EP400: variants seen among roughly 807,000 people sequenced by gnomAD.
The protein encoded by EP400 is E1A-binding protein p400.
EP400 carries 105 observed loss-of-function variants against 354.1 expected under a neutral mutation model. The observed-to-expected ratio is 0.30, with a 90% CI of 0.25 to 0.35. EP400 has a LOEUF of 0.35. Among genes scored for constraint, EP400 ranks in the 10% least tolerant of loss-of-function variants. The pLI, the probability that EP400 is intolerant of heterozygous loss-of-function variation, is 1.00. For missense variants in EP400, 3,280 were observed against 4,121.0 expected (o/e 0.80, Z 5.59); for synonymous variants, 1,646 against 1,716.9 (o/e 0.96, Z 1.02).
At chr12:131,982,052 A>G (rs1291231298) in intron 4 of EP400, 41 bp from the exon 5 acceptor site, 2 of 1,498,998 alleles carry the variant, frequency 1.3e-6, no homozygotes, top group African/African-American at 2.8e-5. Context: ...AAGCTGCCAC[A>G]CTTGGGAATC....
chr12:132,077,992 A>G lies in EP400; in HGVS notation c.*319A>G, dbSNP rs1230804998. ...GTACTGTGTTCTGAAAGCCATTTAG[A>G]ATTTCTTTGTGAGCATGTAGTGCTT... On this transcript the variant is annotated 3_prime_UTR_variant, in exon 53 of 53. Transcript: ENST00000389561. 14 of 314,816 alleles carry G rather than the reference A, an allele frequency of 4.4e-5. No homozygotes were observed. The East Asian group carries it at 8.5e-4, about 19-fold the overall frequency. 19.5% of individuals were successfully genotyped at this position (314,816 alleles called of 1,614,324 possible). A position where few individuals can be genotyped will look rare whatever the true frequency, so the allele number is the denominator to read the frequency against.
At chr12:132,065,020 G>C (rs1160678914) in intron 48 of EP400, 134 bp downstream of exon 48, 3 of 1,440,968 alleles carry the variant, frequency 2.1e-6, no homozygotes, top group Non-Finnish European at 2.7e-6. Flanking sequence ...CGAGAACTTA[G>C]TACCCCTTGG....
chr12:131,955,763 G>T (rs1417167812), intron 1 of EP400, among the ~76,000 whole-genome samples: 1 of 152,026 alleles, frequency 6.6e-6, no homozygotes, highest in African/African-American at 2.4e-5. Flanking sequence ...TTCTTCCTCA[G>T]CCTCCCGAGT....
At position 132,054,774 on chromosome 12, in the gene EP400, A is replaced by G. The variant is rs1035162365; in HGVS notation, c.7729-200A>G. 1.3e-5 allele frequency among the ~76,000 whole-genome samples: 2 copies of G among 150,708 alleles called. No individual in the cohort carries two copies. Among genetic ancestry groups the G allele is most frequent in the Non-Finnish European group, 3.0e-5 (2 of 67,654 alleles). On this transcript the variant is annotated intron_variant, in intron 43 of 52. Transcript: ENST00000389561. This position sits in a 1 kb window ranked among gnomAD's most constrained non-coding sequence, Gnocchi z 4.0. Reference sequence around the variant, plus strand: ...GGAGGGTCCCTGGGGTGGAGGGACAATGGGATAGGGGTGGAGGGACAGCAG... The same window carrying G: ...GGAGGGTCCCTGGGGTGGAGGGACAGTGGGATAGGGGTGGAGGGACAGCAG...
At position 131,960,795 on chromosome 12, in the gene EP400, A is replaced by G. The variant is rs1338112068; in HGVS notation, c.176A>G (p.Gln59Arg). The G allele has an allele frequency of 6.2e-7, 1 of 1,612,478 alleles. No homozygotes were observed. Among genetic ancestry groups the G allele is most frequent in the African/African-American group, 1.3e-5 (1 of 74,496 alleles). ...SAPQSPSYQIQQLMNRSPATG... is the reference protein window; with the variant it reads ...SAPQSPSYQIRQLMNRSPATG... The stretch of plus-strand genomic sequence containing the variant: ...CCCCAGTCTCCCAGTTATCAAATAC[A>G]GCAGCTGATGAATAGGAGCCCTGCA... The change falls in exon 2 of 53, where the codon CAG becomes CGG. Residue 59 changes from glutamine (Q) to arginine (R), a missense_variant. By Grantham distance (43) the Gln-to-Arg change is conservative. Coordinates refer to ENST00000389561, the MANE Select transcript of EP400 (RefSeq NM_015409.5).
At position 132,054,840 on chromosome 12, in the gene EP400, G is replaced by T; in HGVS notation, c.7729-134G>T. 1.1e-6 allele frequency: 1 copy of T among 894,022 alleles called. No homozygotes were observed. The highest frequency in any genetic ancestry group is 1.8e-6 in the Non-Finnish European group (1 of 546,210). The allele number at this position is 894,022 out of a possible 1,614,324, so 55.4% of individuals were successfully genotyped here. A position where few individuals can be genotyped will look rare whatever the true frequency, so the allele number is the denominator to read the frequency against. ...GGGCACCGCCAGGTGGAATGAGCTG[G>T]GGAGGATGGGACAGGTGGCTGTGTG... On this transcript the variant is annotated intron_variant, in intron 43 of 52. Coordinates refer to ENST00000389561, the MANE Select transcript of EP400 (RefSeq NM_015409.5). This position sits in a 1 kb window ranked among gnomAD's most constrained non-coding sequence, Gnocchi z 4.0.
chr12:132,006,404 C>T (rs916758393), intron 14 of EP400, 102 bp downstream of exon 14: 10 of 1,348,142 alleles, frequency 7.4e-6, no homozygotes, highest in Non-Finnish European at 1.0e-5. Context: ...AATGGTCTAT[C>T]CCAACTGCAG....
chr12:131,975,910 A>G (rs1892457539), intron 2 of EP400, among the ~76,000 whole-genome samples: 1 of 152,108 alleles, frequency 6.6e-6, no homozygotes, highest in South Asian at 2.1e-4. Flanking sequence ...TATATTGCCC[A>G]GGCTGATTTT....
At chr12:132,005,522 G>A (rs1469540700) in intron 13 of EP400, among the ~76,000 whole-genome samples, 1 of 152,098 alleles carries the variant, frequency 6.6e-6, no homozygotes, top group African/African-American at 2.4e-5. Flanking sequence ...TATTTTACTT[G>A]GTATTAGACT....
intron 30 of EP400, 115 bp from the exon 31 acceptor site, chr12:132,037,567 A>G (rs1019382794): frequency 1.3e-6 from 1 of 792,954 alleles, no homozygotes; most frequent in Non-Finnish European, 2.1e-6. Context: ...TGTTCTGAGC[A>G]GGGGTAGCTG....
Position 131,991,337 on chromosome 12 carries a change from C to T in EP400, c.2630-70C>T, listed in dbSNP as rs1025039222. 10 of 1,541,440 alleles carry T rather than the reference C, an allele frequency of 6.5e-6. No homozygotes were observed. In the Admixed American group the frequency reaches 1.7e-4, roughly 26 times the overall value. Reference sequence around the variant, plus strand: ...GTGGGTGGAGGCAGCAGGACCCTGCCTGGAAAGCAGAGACGCCCTCGCCAA... The same window carrying T: ...GTGGGTGGAGGCAGCAGGACCCTGCTTGGAAAGCAGAGACGCCCTCGCCAA... On this transcript the variant is annotated intron_variant, in intron 9 of 52. Transcript: ENST00000389561.
intron 2 of EP400, among the ~76,000 whole-genome samples, chr12:131,971,197 C>G (rs571341516): frequency 3.9e-5 from 6 of 152,082 alleles, no homozygotes; most frequent in Non-Finnish European, 8.8e-5. Flanking sequence ...GAGCAATACC[C>G]TGTCTCTTAA....
Position 132,017,129 on chromosome 12 carries a change from G to A in EP400, c.3924-406G>A, listed in dbSNP as rs1421421629. Among the ~76,000 whole-genome samples, 2 of 152,204 alleles carry A rather than the reference G, an allele frequency of 1.3e-5. No homozygotes were observed. The highest frequency in any genetic ancestry group is 2.4e-5 in the African/African-American group (1 of 41,446). ...TGGACCTGGGTCCTCGTCTACCCCC[G>A]CTCACTGCCTGCAGGGCCAGTGTAG... is the stretch of plus-strand genomic sequence containing the variant. On this transcript the variant is annotated intron_variant, in intron 19 of 52. Coordinates refer to ENST00000389561, the MANE Select transcript of EP400 (RefSeq NM_015409.5). The surrounding 1 kb of genome is among the most constrained non-coding windows in gnomAD (Gnocchi z 5.0).
intron 2 of EP400, among the ~76,000 whole-genome samples, chr12:131,969,252 T>C (rs189020811): frequency 2.2e-4 from 33 of 152,196 alleles, no homozygotes; most frequent in African/African-American, 8.0e-4. Flanking sequence ...GACAGTGATA[T>C]GTGGTTTTTC....
At chr12:131,959,657 C>G (rs779442566) in intron 1 of EP400, among the ~76,000 whole-genome samples, 1 of 152,194 alleles carries the variant, frequency 6.6e-6, no homozygotes, top group Admixed American at 6.5e-5. Context: ...GGCAACTCAC[C>G]CCAGAGTGAG....
intron 12 of EP400, among the ~76,000 whole-genome samples, chr12:131,998,414 A>T (rs1278250656): frequency 1.3e-5 from 2 of 152,182 alleles, no homozygotes; most frequent in African/African-American, 4.8e-5. Context: ...TGATCAAAAT[A>T]TAGTTCTCCC....
rs200863261 is a variant in EP400, at chr12:131,995,400, CTGAG to C, written c.2827+447_2827+450del. ...AGCTTGACTGAATGTACCGTTCATC[CTGAG>C]TGTGTGAGAACTTCATGTGAATGAA... On this transcript the variant is annotated intron_variant, in intron 12 of 52. Coordinates refer to ENST00000389561, the MANE Select transcript of EP400 (RefSeq NM_015409.5). 6.4e-3 allele frequency among the ~76,000 whole-genome samples: 924 copies of C among 145,022 alleles called. 27 individuals are homozygous for C. The South Asian group carries it at 0.084, about 13-fold the overall frequency.
chr12:132,076,187 C>T (rs1394191491), intron 51 of EP400: 11 of 405,158 alleles, frequency 2.7e-5, no homozygotes, highest in South Asian at 1.4e-4. Context: ...ACTCACAAGA[C>T]GCTCAAATAC....
Position 132,069,518 on chromosome 12 carries a change from C to A in EP400, c.8898C>A (p.Thr2966=). The stretch of plus-strand genomic sequence containing the variant: ...AGATCACCGCACAGCAGATCACCAC[C>A]CCTGGCGCGCAGCAGAAGGTTGCCT... ...QQKITAQQIT[T]PGAQQKVAYA... is the part of the protein sequence containing the mutation. The change falls in exon 51 of 53, where the codon ACC becomes ACA. Residue 2966 remains threonine, a synonymous_variant. Coordinates refer to ENST00000389561, the MANE Select transcript of EP400 (RefSeq NM_015409.5). 1 of 1,614,190 alleles carries A rather than the reference C, an allele frequency of 6.2e-7. No individual in the cohort carries two copies. Among genetic ancestry groups the A allele is most frequent in the East Asian group, 2.2e-5 (1 of 44,890 alleles).
Sources: gnomAD v4.1 joint callset for allele counts (sites outside exome capture counted in the v4.1 genomes callset) on GRCh38, gnomAD v4.1.1 for gene constraint, Gnocchi (gnomAD v3.1) non-coding constraint, MANE v1.5 for transcripts, NCBI Gene and HGNC (gene_info 2026-07-23, HGNC 2026-07-21) for gene names.